The following ARHGEF38 variants were observed in gnomAD, a reference collection of about 807,000 sequenced individuals.
The protein encoded by ARHGEF38 is Rho guanine nucleotide exchange factor 38.
A neutral mutation model predicts 79.9 loss-of-function variants in ARHGEF38; 79 were observed. That is an observed-to-expected ratio of 0.99 (90% CI 0.82 to 1.19). The LOEUF (loss-of-function observed/expected upper bound fraction) is 1.19. Ranked by LOEUF, ARHGEF38 falls within the 50% of genes most tolerant of loss-of-function variation. The pLI, the probability that ARHGEF38 is intolerant of heterozygous loss-of-function variation, is 0.00. For missense variants in ARHGEF38, 962 were observed against 907.2 expected, an observed-to-expected ratio of 1.06 and a Z score of -0.78; for synonymous variants, 366 against 328.3, an observed-to-expected ratio of 1.11 and a Z score of -1.24.
chr4:105,647,958 C>T (rs1381899944), intron 6 of ARHGEF38, among the ~76,000 whole-genome samples: 5 of 147,594 alleles, frequency 3.4e-5, no homozygotes, highest in East Asian at 2.0e-4. Flanking sequence ...GGCATGATCT[C>T]GGCTCACTGC....
At chr4:105,662,626 A>T (rs1213777028) in intron 10 of ARHGEF38, among the ~76,000 whole-genome samples, 1 of 152,144 alleles carries the variant, frequency 6.6e-6, no homozygotes, top group African/African-American at 2.4e-5. Flanking sequence ...ATGACTTTCC[A>T]GTTGCTCCAA....
intron 3 of ARHGEF38, among the ~76,000 whole-genome samples, chr4:105,624,206 T>C (rs1176510256): frequency 1.3e-5 from 2 of 152,194 alleles, no homozygotes; most frequent in African/African-American, 4.8e-5. Flanking sequence ...TCTGAACTTA[T>C]CTTACGCTAG....
chr4:105,597,124 G>A (rs564446552), intron 2 of ARHGEF38, among the ~76,000 whole-genome samples: 1 of 152,216 alleles, frequency 6.6e-6, no homozygotes, highest in East Asian at 1.9e-4. Context: ...GCAGAGGACA[G>A]AATTACTGTT....
intron 2 of ARHGEF38, among the ~76,000 whole-genome samples, chr4:105,610,053 T>C (rs894099566): frequency 2.6e-5 from 4 of 152,142 alleles, no homozygotes; most frequent in Admixed American, 1.3e-4. Context: ...TCATGTCCTT[T>C]GCAGAGACAT....
At chr4:105,602,167 G>A (rs138333654) in intron 2 of ARHGEF38, among the ~76,000 whole-genome samples, 2 of 152,306 alleles carry the variant, frequency 1.3e-5, no homozygotes, top group East Asian at 3.9e-4. Context: ...CAGCAGTGGA[G>A]AACCACAGGA....
chr4:105,615,277 C>G (rs2110494888), intron 3 of ARHGEF38, among the ~76,000 whole-genome samples: 1 of 152,180 alleles, frequency 6.6e-6, no homozygotes, highest in South Asian at 2.1e-4. Context: ...AGATTTCTGG[C>G]AAGGGTGTGA....
At chr4:105,644,765 G>T (rs188948653) in intron 5 of ARHGEF38, among the ~76,000 whole-genome samples, 2 of 152,236 alleles carry the variant, frequency 1.3e-5, no homozygotes, top group Admixed American at 1.3e-4. Flanking sequence ...CTATACCTTT[G>T]CAAGCCTCTG....
chr4:105,582,495 A>G (rs1726845272), intron 1 of ARHGEF38, among the ~76,000 whole-genome samples: 1 of 152,068 alleles, frequency 6.6e-6, no homozygotes, highest in Non-Finnish European at 1.5e-5. Flanking sequence ...TCTGTGACCC[A>G]TCAGTTATTT....
chr4:105,579,021 T>C (rs1726647283), intron 1 of ARHGEF38, among the ~76,000 whole-genome samples: 1 of 152,138 alleles, frequency 6.6e-6, no homozygotes, highest in East Asian at 1.9e-4. Flanking sequence ...GTCAAGAAGT[T>C]CTATTTTGGT....
At position 105,655,529 on chromosome 4, in the gene ARHGEF38, G is replaced by A. The variant is rs894628978; in HGVS notation, c.1114-74G>A. 14 of 1,443,544 alleles carry A rather than the reference G, an allele frequency of 9.7e-6. No individual in the cohort carries two copies. In the East Asian group the frequency reaches 3.0e-4, roughly 31 times the overall value. The allele number at this position is 1,443,544 out of a possible 1,614,324, so 89.4% of individuals were successfully genotyped here. A position where few individuals can be genotyped will look rare whatever the true frequency, so the allele number is the denominator to read the frequency against. Reference sequence around the variant, plus strand: ...GATAATTAAGGGTTATGCTGATGAAGTCCACATTTGGGATATGTTAATTAT... The same window carrying A: ...GATAATTAAGGGTTATGCTGATGAAATCCACATTTGGGATATGTTAATTAT... On this transcript the variant is annotated intron_variant, in intron 8 of 13. Coordinates refer to ENST00000420470, the MANE Select transcript of ARHGEF38 (RefSeq NM_001242729.2).
intron 1 of ARHGEF38, among the ~76,000 whole-genome samples, chr4:105,554,534 T>C (rs1725166083): frequency 6.6e-6 from 1 of 152,228 alleles, no homozygotes; most frequent in Admixed American, 6.5e-5. Context: ...AAGGACATGA[T>C]TTTGTTCTTT....
intron 2 of ARHGEF38, among the ~76,000 whole-genome samples, chr4:105,604,578 G>T (rs1727961400): frequency 6.6e-6 from 1 of 152,006 alleles, no homozygotes; most frequent in Admixed American, 6.6e-5. Context: ...CTTTGTAATT[G>T]TGTCATTAAG....
Position 105,678,657 on chromosome 4 carries a change from C to T in ARHGEF38, c.*720C>T, listed in dbSNP as rs113767110. ...TCAAAACATTATGAAGAAACCATGGCCCAAAAAGGTGAAGTAATTTAATCC... is the reference window on the plus strand; with the variant it reads ...TCAAAACATTATGAAGAAACCATGGTCCAAAAAGGTGAAGTAATTTAATCC... On this transcript the variant is annotated 3_prime_UTR_variant, in exon 14 of 14. Transcript: ENST00000420470. 0.054 allele frequency: 8,179 copies of T among 152,104 alleles called. 255 individuals carry two copies. The highest frequency in any genetic ancestry group is 0.14 in the Middle Eastern group (40 of 294). The allele number at this position is 152,104 out of a possible 1,614,324, so 9.4% of individuals were successfully genotyped here.
intron 3 of ARHGEF38, among the ~76,000 whole-genome samples, chr4:105,619,037 A>T (rs1728629417): frequency 6.6e-6 from 1 of 152,224 alleles, no homozygotes; most frequent in South Asian, 2.1e-4. Context: ...ACTCAATTGA[A>T]GATGTTCATA....
intron 3 of ARHGEF38, among the ~76,000 whole-genome samples, chr4:105,617,585 T>TC (rs1267754060): frequency 6.6e-6 from 1 of 152,192 alleles, no homozygotes; most frequent in African/African-American, 2.4e-5. Context: ...AACCAGAGTG[T>TC]CCTAACATGG....
intron 2 of ARHGEF38, among the ~76,000 whole-genome samples, chr4:105,600,351 G>T (rs1359189846): frequency 6.6e-6 from 1 of 152,150 alleles, no homozygotes; most frequent in African/African-American, 2.4e-5. Flanking sequence ...GCAAAAGGAG[G>T]CACTCACTTC....
At chr4:105,658,958 T>C in intron 9 of ARHGEF38, 96 bp from the exon 10 acceptor site, 1 of 1,092,298 alleles carries the variant, frequency 9.2e-7, no homozygotes, top group Non-Finnish European at 1.3e-6. Flanking sequence ...TCTTTTGTGC[T>C]TCTCGTGGGG....
rs377709730 is a variant in ARHGEF38 at position 105,570,983 on chromosome 4, A to G, written c.196+18022A>G. Among the ~76,000 whole-genome samples the G allele has an allele frequency of 9.8e-5, 15 of 152,338 alleles. No individual in the cohort carries two copies. The South Asian group carries it at 2.7e-3, about 27-fold the overall frequency. On this transcript the variant is annotated intron_variant, in intron 1 of 13. Coordinates refer to ENST00000420470, the MANE Select transcript of ARHGEF38 (RefSeq NM_001242729.2). ...GTACATACTAGTCATATTCATAGAG[A>G]CAAAAAGCAGAATGATGGTTGCCAG... is the stretch of plus-strand genomic sequence containing the variant.
chr4:105,566,592 GAAATGTACAATT>G (rs916261481), intron 1 of ARHGEF38, among the ~76,000 whole-genome samples: 5 of 151,914 alleles, frequency 3.3e-5, no homozygotes, highest in Admixed American at 2.0e-4. Context: ...TAGATATTTT[GAAATGTACAATT>G]AAATTATTTT....
Sources: gnomAD v4.1 joint callset for allele counts (sites outside exome capture counted in the v4.1 genomes callset) on GRCh38, gnomAD v4.1.1 for gene constraint, MANE v1.5 for transcripts, NCBI Gene and HGNC (gene_info 2026-07-23, HGNC 2026-07-21) for gene names.